ZNF443: variants seen among roughly 807,000 people sequenced by gnomAD.
ZNF443 encodes zinc finger protein 443.
A neutral mutation model predicts 12.0 loss-of-function variants in ZNF443; 3 were observed. The ratio of observed to expected loss-of-function variants is 0.25; its 90% CI spans 0.11 to 0.64. ZNF443 has a LOEUF of 0.64. ZNF443 is among the 30% of genes least tolerant of loss of function. The pLI is 0.84. For synonymous variants in ZNF443, 225 were observed against 265.9 expected (o/e 0.85, Z 1.50); for missense variants, 770 against 808.8 (o/e 0.95, Z 0.58).
chr19:12,433,871 G>A (rs1045028965), intron 1 of ZNF443, among the ~76,000 whole-genome samples: 7 of 151,900 alleles, frequency 4.6e-5, no homozygotes, highest in African/African-American at 1.5e-4. Flanking sequence ...AAAAGTGGGG[G>A]CTTTAAGAGG....
chr19:12,431,013 G>T lies in ZNF443; in HGVS notation c.1159C>A (p.His387Asn), dbSNP rs772120850. 1 of 1,613,954 alleles carries T rather than the reference G, an allele frequency of 6.2e-7. No homozygotes were observed. Among genetic ancestry groups the T allele is most frequent in the East Asian group, 2.2e-5 (1 of 44,872 alleles). ...CATTCATAGGGTTTCTCTCCAGTGT[G>T]AGTTCTTTCATGACTTTGCAGTGAA... ...PSSLQSHERT[H>N]TGEKPYECKQ... Residue 387 changes from histidine (H) to asparagine (N), a missense_variant, in exon 4 of 4, where the codon CAC becomes AAC. Coordinates refer to ENST00000301547, the MANE Select transcript of ZNF443 (RefSeq NM_005815.5).
chr19:12,437,453 T>C (rs1471056844), intron 1 of ZNF443, among the ~76,000 whole-genome samples: 3 of 149,558 alleles, frequency 2.0e-5, no homozygotes, highest in African/African-American at 4.9e-5. Context: ...GTAGACTTAC[T>C]ATACTATTAG....
rs780796867 is a variant in ZNF443, at chr19:12,430,355, T to C, written c.1817A>G (p.His606Arg). The C allele has an allele frequency of 5.6e-6, 9 of 1,613,758 alleles. No homozygotes were observed. Among genetic ancestry groups the C allele is most frequent in the Non-Finnish European group, 7.6e-6 (9 of 1,179,762 alleles). ...AFTHSRFLQG[H>R]EKTHTGENPY... is the part of the protein sequence containing the mutation. ...GTTCTCTCCAGTATGAGTTTTTTCA[T>C]GTCCTTGAAGAAAACGGGAATGAGT... is the stretch of plus-strand genomic sequence containing the variant. The change falls in exon 4 of 4, where the codon CAT (histidine) becomes CGT (arginine). Residue 606 changes from histidine to arginine, a missense_variant. Physicochemically the swap from His to Arg is conservative, Grantham distance 29 (BLOSUM62 0). Coordinates refer to ENST00000301547, the MANE Select transcript of ZNF443 (RefSeq NM_005815.5).
chr19:12,439,449 A>G (rs1970344016), intron 1 of ZNF443, among the ~76,000 whole-genome samples: 1 of 152,154 alleles, frequency 6.6e-6, no homozygotes, highest in South Asian at 2.1e-4. Flanking sequence ...GACCCAGGGG[A>G]TGATATTCAC....
In ZNF443 at chr19:12,431,377, G is replaced by A. The variant is rs1330382673; in HGVS notation, c.795C>T (p.Tyr265=). The change falls in exon 4 of 4, where the codon TAC becomes TAT. Residue 265 remains tyrosine, a synonymous_variant. Coordinates refer to ENST00000301547, the MANE Select transcript of ZNF443 (RefSeq NM_005815.5). The part of the protein sequence containing the change: ...CKQCSKAFPF[Y]SSYLRHERTH... The stretch of plus-strand genomic sequence containing the variant: ...TTCTTTCATGTCTTAGATAGGAACT[G>A]TAAAAAGGAAAGGCTTTAGAACACT... 1 of 1,614,016 alleles carries A rather than the reference G, an allele frequency of 6.2e-7. No homozygotes were observed.
chr19:12,432,136 T>G (rs1224156422), intron 3 of ZNF443, among the ~76,000 whole-genome samples, 156 bp from the exon 4 acceptor site: 6 of 142,022 alleles, frequency 4.2e-5, no homozygotes, highest in Non-Finnish European at 7.6e-5. Context: ...GCAAGGTAAC[T>G]CGACCCAGGT....
chr19:12,434,792 T>C (rs890306899), intron 1 of ZNF443, among the ~76,000 whole-genome samples: 4 of 151,752 alleles, frequency 2.6e-5, no homozygotes, highest in African/African-American at 7.3e-5. Flanking sequence ...GCCCAATCTC[T>C]CCCCCATCAA....
In ZNF443 at chr19:12,431,191, A is replaced by C; in HGVS notation, c.981T>G (p.His327Gln). The change falls in exon 4 of 4, where the codon CAT (histidine) becomes CAG (glutamine). Residue 327 changes from histidine (H) to glutamine (Q), a missense_variant. This residue lies in a region of ZNF443 where 736 missense variants were observed against 689.4 expected (regional missense o/e 1.07). Coordinates refer to ENST00000301547, the MANE Select transcript of ZNF443 (RefSeq NM_005815.5). ...GTTTCTCTGCACTGTGAGTGGTTTC[A>C]TGTCTTTGAAGGGAACCGGAAACAC... ...AFSVSGSLQR[H>Q]ETTHSAEKPY... 1 of 1,613,994 alleles carries C rather than the reference A, an allele frequency of 6.2e-7. No homozygotes were observed. Among genetic ancestry groups the C allele is most frequent in the East Asian group, 2.2e-5 (1 of 44,862 alleles).
In ZNF443 at chr19:12,430,696, T is replaced by G. The variant is rs761794316; in HGVS notation, c.1476A>C (p.Gln492His). 1 of 1,613,424 alleles carries G rather than the reference T, an allele frequency of 6.2e-7. No homozygotes were observed. The highest frequency in any genetic ancestry group is 8.5e-7 in the Non-Finnish European group (1 of 1,179,484). The change falls in exon 4 of 4, where the codon CAA (glutamine) becomes CAC (histidine). Residue 492 changes from glutamine to histidine, a missense_variant. Coordinates refer to ENST00000301547, the MANE Select transcript of ZNF443 (RefSeq NM_005815.5). ...CTCCAGTGTGAGTTGTTTTGTGATT[T>G]TGAAAGGAACAGAAATCAATACAGG... ...GKACIDFCSFQNHKTTHTGEK... is the reference protein window; with the variant it reads ...GKACIDFCSFHNHKTTHTGEK...
chr19:12,435,013 A>T (rs34502810), intron 1 of ZNF443, among the ~76,000 whole-genome samples: 2,966 of 143,702 alleles, frequency 0.021, 46 homozygotes, highest in Non-Finnish European at 0.03. Flanking sequence ...GAGTGCAGAC[A>T]CATCACCCAG....
chr19:12,439,251 AC>A (rs1970342506), intron 1 of ZNF443, among the ~76,000 whole-genome samples: 1 of 152,168 alleles, frequency 6.6e-6, no homozygotes, highest in South Asian at 2.1e-4. Context: ...ATGGAATATG[AC>A]CATGAAATTG....
intron 1 of ZNF443, among the ~76,000 whole-genome samples, chr19:12,436,652 A>G (rs1970312201): frequency 6.6e-6 from 1 of 152,140 alleles, no homozygotes. Context: ...AAGGAATGAA[A>G]TTGAGAGAAC....
rs533257624 is a variant in ZNF443, at chr19:12,431,182, A to T, written c.990T>A (p.Thr330=). The change falls in exon 4 of 4, where the codon ACT becomes ACA. Residue 330 remains threonine (T), a synonymous_variant. Coordinates refer to ENST00000301547, the MANE Select transcript of ZNF443 (RefSeq NM_005815.5). ...VSGSLQRHET[T]HSAEKPYACQ... ...ATGCATAGGGTTTCTCTGCACTGTG[A>T]GTGGTTTCATGTCTTTGAAGGGAAC... 8.7e-6 allele frequency: 14 copies of T among 1,613,748 alleles called. No individual in the cohort carries two copies. The South Asian group carries it at 8.8e-5, about 10-fold the overall frequency.
intron 1 of ZNF443, 82 bp downstream of exon 1, chr19:12,440,830 G>A (rs1970357306): frequency 2.5e-6 from 4 of 1,610,354 alleles, no homozygotes; most frequent in Admixed American, 1.7e-5. Context: ...CCCTTGGGGA[G>A]GCCCGGGTCC....
At chr19:12,439,836 G>A (rs931921694) in intron 1 of ZNF443, among the ~76,000 whole-genome samples, 1 of 152,068 alleles carries the variant, frequency 6.6e-6, no homozygotes, top group Non-Finnish European at 1.5e-5. Context: ...ATTGCTAGCT[G>A]AAAACAAGAT....
At chr19:12,434,952 T>A (rs1301872752) in intron 1 of ZNF443, among the ~76,000 whole-genome samples, 1 of 53,454 alleles carries the variant, frequency 1.9e-5, no homozygotes, top group African/African-American at 4.8e-5. Context: ...CAAGGCTGCT[T>A]TTTTTTTTTT....
At chr19:12,437,964 G>A (rs1182690497) in intron 1 of ZNF443, among the ~76,000 whole-genome samples, 1 of 151,826 alleles carries the variant, frequency 6.6e-6, no homozygotes. Context: ...AGCCAGGCAT[G>A]GTAGCACGCA....
At chr19:12,434,514 T>G (rs62110692) in intron 1 of ZNF443, among the ~76,000 whole-genome samples, 6,982 of 152,252 alleles carry the variant, frequency 0.046, 160 homozygotes, top group South Asian at 0.1. Flanking sequence ...TCATGAATAT[T>G]TATAATACTT....
intron 1 of ZNF443, among the ~76,000 whole-genome samples, chr19:12,438,366 A>C (rs1475829866): frequency 1.3e-5 from 2 of 152,182 alleles, no homozygotes; most frequent in African/African-American, 4.8e-5. Context: ...TCATTTAATT[A>C]CTATTTCCAT....
Sources: gnomAD v4.1 joint callset for allele counts (sites outside exome capture counted in the v4.1 genomes callset) on GRCh38, gnomAD v4.1.1 for gene constraint, gnomAD v4.1.1 regional missense constraint, MANE v1.5 for transcripts, NCBI Gene and HGNC (gene_info 2026-07-23, HGNC 2026-07-21) for gene names.